CTCF: variants seen among roughly 807,000 people sequenced by gnomAD.
CTCF encodes the protein transcriptional repressor CTCF.
In CTCF, 7 loss-of-function variants were observed where a neutral mutation model predicts 72.3. The observed-to-expected ratio is 0.10, with a 90% confidence interval of 0.06 to 0.18. CTCF has a LOEUF of 0.18. CTCF is among the 10% of genes least tolerant of loss of function. The pLI is 1.00. For missense variants in CTCF, 516 were observed against 949.1 expected, an observed-to-expected ratio of 0.54 and a Z score of 6.00; for synonymous variants, 374 against 315.8, an observed-to-expected ratio of 1.18 and a Z score of -1.95.
intron 2 of CTCF, among the ~76,000 whole-genome samples, chr16:67,572,296 C>T (rs1409905215): frequency 6.6e-6 from 1 of 152,214 alleles, no homozygotes; most frequent in Non-Finnish European, 1.5e-5. Context: ...TTACGCCCTG[C>T]AGGTTCTTTT....
At chr16:67,618,423 A>AT (rs2052161326) in intron 5 of CTCF, among the ~76,000 whole-genome samples, 1 of 152,204 alleles carries the variant, frequency 6.6e-6, no homozygotes, top group Non-Finnish European at 1.5e-5. Flanking sequence ...AACAGCATAT[A>AT]TACCAGAAAT....
chr16:67,586,129 A>G (rs1404658623), intron 2 of CTCF, among the ~76,000 whole-genome samples: 5 of 152,190 alleles, frequency 3.3e-5, no homozygotes, highest in Admixed American at 2.6e-4. Context: ...GGCTGGGTGC[A>G]GTGGCTCACG....
intron 4 of CTCF, chr16:67,616,459 C>G: frequency 3.0e-6 from 1 of 334,928 alleles, no homozygotes; most frequent in Non-Finnish European, 5.6e-6. Flanking sequence ...CCAGGATATT[C>G]ACAAAATAGG....
chr16:67,564,255 G>T (rs919439545), intron 1 of CTCF, among the ~76,000 whole-genome samples: 1 of 152,202 alleles, frequency 6.6e-6, no homozygotes, highest in Non-Finnish European at 1.5e-5. Flanking sequence ...ATATTCTAGT[G>T]CCTTAATATA....
At chr16:67,631,291 G>A (rs1466094401) in intron 10 of CTCF, among the ~76,000 whole-genome samples, 2 of 151,572 alleles carry the variant, frequency 1.3e-5, no homozygotes, top group Admixed American at 6.6e-5. Context: ...CAGCTTCCCA[G>A]GTAGCTGGGA....
chr16:67,590,260 A>G (rs569222724), intron 2 of CTCF, among the ~76,000 whole-genome samples: 8 of 152,160 alleles, frequency 5.3e-5, no homozygotes, highest in African/African-American at 1.7e-4. Flanking sequence ...TGTTGCCATT[A>G]CAAATATTTT....
At chr16:67,590,636 C>CTGG (rs2051729778) in intron 2 of CTCF, among the ~76,000 whole-genome samples, 1 of 151,256 alleles carries the variant, frequency 6.6e-6, no homozygotes, top group Admixed American at 6.6e-5. Flanking sequence ...CGTGCCCGGC[C>CTGG]CTAACTGTTC....
chr16:67,617,012 A>C, intron 5 of CTCF, 134 bp downstream of exon 5: 1 of 847,000 alleles, frequency 1.2e-6, no homozygotes, highest in Non-Finnish European at 1.9e-6. Flanking sequence ...ACTCCCACAC[A>C]ACACCGCTCC....
At chr16:67,625,115 G>C (rs1023294353) in intron 7 of CTCF, among the ~76,000 whole-genome samples, 1 of 151,898 alleles carries the variant, frequency 6.6e-6, no homozygotes, top group African/African-American at 2.4e-5. Flanking sequence ...CAGTAGAGAC[G>C]GGTTTCACTA....
chr16:67,569,309 C>T (rs530252587), intron 1 of CTCF, among the ~76,000 whole-genome samples: 1 of 152,246 alleles, frequency 6.6e-6, no homozygotes, highest in South Asian at 2.1e-4. Flanking sequence ...CCTCAGCCTC[C>T]TGAGTAGCTG....
chr16:67,616,071 A>G (rs767119932), intron 4 of CTCF: 4 of 152,272 alleles, frequency 2.6e-5, no homozygotes, highest in African/African-American at 4.8e-5. Flanking sequence ...AGAAATGTAG[A>G]GAGTATATTA....
At chr16:67,626,038 C>T (rs1356863599) in intron 7 of CTCF, among the ~76,000 whole-genome samples, 1 of 152,084 alleles carries the variant, frequency 6.6e-6, no homozygotes, top group African/African-American at 2.4e-5. Flanking sequence ...TCCCAGCCAC[C>T]ATCTTCTCCC....
At chr16:67,563,224 A>G (rs953713788) in intron 1 of CTCF, 4 of 152,182 alleles carry the variant, frequency 2.6e-5, no homozygotes, top group Non-Finnish European at 5.9e-5. Context: ...CCGGTGCCGT[A>G]TGGGTGTCGG....
At chr16:67,605,001 C>T (rs2051955539) in intron 2 of CTCF, among the ~76,000 whole-genome samples, 2 of 102,634 alleles carry the variant, frequency 1.9e-5, no homozygotes, top group Admixed American at 3.2e-4. Flanking sequence ...TTGAGACAGT[C>T]TCGCTCTGTC....
chr16:67,600,652 G>A (rs1191381342), intron 2 of CTCF, among the ~76,000 whole-genome samples: 1 of 152,154 alleles, frequency 6.6e-6, no homozygotes, highest in Non-Finnish European at 1.5e-5. Flanking sequence ...TGGGATTACA[G>A]GCTTGAGCCA....
chr16:67,612,588 TA>T (rs971891665), intron 4 of CTCF: 60 of 144,914 alleles, frequency 4.1e-4, no homozygotes, highest in African/African-American at 1.4e-3. Flanking sequence ...AGTCTCCGTC[TA>T]AAAAAAAAGA....
rs143793117 is a variant in CTCF at position 67,616,348 on chromosome 16, A to G, written c.953-397A>G. 1.3e-3 allele frequency: 222 copies of G among 167,926 alleles called. 1 individual carries two copies. Among genetic ancestry groups the G allele is most frequent in the South Asian group, 7.8e-3 (48 of 6,130 alleles). 10.4% of individuals were successfully genotyped at this position (167,926 alleles called of 1,614,324 possible). On this transcript the variant is annotated intron_variant, in intron 4 of 11. Coordinates refer to ENST00000264010, the MANE Select transcript of CTCF (RefSeq NM_006565.4). ...GAGATTTGAGAGACAGGATCTTGCT[A>G]TGTTGCCCAGGCTGGTCTCAAACTC...
chr16:67,614,368 A>AG, intron 4 of CTCF: 1 of 151,014 alleles, frequency 6.6e-6, no homozygotes, highest in African/African-American at 2.4e-5. Context: ...AAAAAAAAAA[A>AG]GATGTTGTAG....
At chr16:67,579,685 G>T (rs533425303) in intron 2 of CTCF, among the ~76,000 whole-genome samples, 1 of 152,204 alleles carries the variant, frequency 6.6e-6, no homozygotes, top group East Asian at 1.9e-4. Flanking sequence ...GAGCCACCAC[G>T]CCCAGCTTGT....
Sources: gnomAD v4.1 joint callset for allele counts (sites outside exome capture counted in the v4.1 genomes callset) on GRCh38, gnomAD v4.1.1 for gene constraint, MANE v1.5 for transcripts, NCBI Gene and HGNC (gene_info 2026-07-23, HGNC 2026-07-21) for gene names.